Variants in PDHA1 observed in about 807,000 individuals in gnomAD.
The protein encoded by PDHA1 is pyruvate dehydrogenase E1 subunit alpha 1.
PDHA1 carries 1 observed loss-of-function variant against 33.0 expected under a neutral mutation model. The ratio of observed to expected loss-of-function variants is 0.03; its 90% confidence interval spans 0.01 to 0.14. The LOEUF is 0.14. PDHA1 is among the 10% of genes least tolerant of loss of function. The probability of loss-of-function intolerance (pLI) is 1.00; values close to 1 mark genes in which losing one functional copy is unlikely to be tolerated. For synonymous variants in PDHA1, 123 were observed against 119.2 expected, an observed-to-expected ratio of 1.03 and a Z score of -0.21; for missense variants, 168 against 325.1, an observed-to-expected ratio of 0.52 and a Z score of 3.72.
chrX:19,359,458 A>C, intron 10 of PDHA1, 31 bp from the exon 11 acceptor site: 3 of 1,180,752 alleles, frequency 2.5e-6, no homozygotes, highest in Non-Finnish European at 3.5e-6. Flanking sequence ...TGTTCATTCT[A>C]AAACCTTTTA....
chrX:19,352,667 G>A (rs1231500365), intron 4 of PDHA1, among the ~76,000 whole-genome samples: 4 of 112,265 alleles, frequency 3.6e-5, no homozygotes, highest in Non-Finnish European at 7.5e-5. Context: ...TTTGCATCCT[G>A]AGAATATTCT....
Position 19,361,289 on chromosome X carries a change from C to G in PDHA1, c.*1636C>G. On this transcript the variant is annotated 3_prime_UTR_variant, in exon 11 of 11. Coordinates refer to ENST00000422285, the MANE Select transcript of PDHA1 (RefSeq NM_000284.4). ...TTGTTTTCTGCTCTTGAAGCATATTCACACATAAAAAGTTGTATTCTCTTA... is the reference window on the plus strand; with the variant it reads ...TTGTTTTCTGCTCTTGAAGCATATTGACACATAAAAAGTTGTATTCTCTTA... 9.9e-7 allele frequency: 1 copy of G among 1,014,335 alleles called. No individual in the cohort carries two copies. The highest frequency in any genetic ancestry group is 1.4e-6 in the Non-Finnish European group (1 of 730,264). The allele number at this position is 1,014,335 out of a possible 1,213,427, so 83.6% of individuals were successfully genotyped here.
chrX:19,351,825 G>A (rs189819321), intron 4 of PDHA1, among the ~76,000 whole-genome samples: 1 of 76,654 alleles, frequency 1.3e-5, no homozygotes, highest in African/African-American at 6.2e-5. Flanking sequence ...TTGAGACTGT[G>A]TCTCACTCCG....
At chrX:19,347,153 C>G in intron 1 of PDHA1, among the ~76,000 whole-genome samples, 1 of 111,287 alleles carries the variant, frequency 9.0e-6, no homozygotes, top group Non-Finnish European at 1.9e-5. Flanking sequence ...CCTGGCCTCC[C>G]AAAGTGCTGG....
chrX:19,361,470 G>A lies in PDHA1; in HGVS notation c.*1817G>A. On this transcript the variant is annotated 3_prime_UTR_variant, in exon 11 of 11. Transcript: ENST00000422285. The stretch of plus-strand genomic sequence containing the variant: ...GAGCAGCTGTGTAACAACAGCATAA[G>A]AATTTCTTTGTTGTAAATTTACCTT... The A allele has an allele frequency of 8.4e-7, 1 of 1,196,834 alleles. No individual in the cohort carries two copies.
At chrX:19,346,233 T>G (rs1329396990) in intron 1 of PDHA1, among the ~76,000 whole-genome samples, 2 of 111,653 alleles carry the variant, frequency 1.8e-5, no homozygotes, top group Non-Finnish European at 3.8e-5. Context: ...GGGAGAAGGG[T>G]AGGCAGCTGG....
intron 1 of PDHA1, among the ~76,000 whole-genome samples, chrX:19,348,942 T>C (rs1409540567): frequency 8.9e-6 from 1 of 112,187 alleles, no homozygotes; most frequent in Non-Finnish European, 1.9e-5. Flanking sequence ...CAAAACTCCG[T>C]CTCAAAACAA....
chrX:19,357,565 A>T (rs1407365426), intron 8 of PDHA1, 87 bp from the exon 9 acceptor site: 1 of 707,455 alleles, frequency 1.4e-6, no homozygotes, highest in Middle Eastern at 3.0e-4. Context: ...CGCTTAATAA[A>T]GGGCCTGCGT....
chrX:19,353,109 A>G lies in PDHA1; in HGVS notation c.446A>G (p.Lys149Arg). The G allele has an allele frequency of 8.3e-7, 1 of 1,210,230 alleles. No homozygotes were observed. Among genetic ancestry groups the G allele is most frequent in the Non-Finnish European group, 1.1e-6 (1 of 894,090 alleles). ...CGAAAAGGAGGTTGTGCTAAAGGGAAAGGAGGATCGATGCACATGTATGCC... is the reference window on the plus strand; with the variant it reads ...CGAAAAGGAGGTTGTGCTAAAGGGAGAGGAGGATCGATGCACATGTATGCC... ...TGRKGGCAKGKGGSMHMYAKN... is the reference protein window; with the variant it reads ...TGRKGGCAKGRGGSMHMYAKN... The change falls in exon 5 of 11, where the codon AAA becomes AGA. Residue 149 changes from lysine to arginine, a missense_variant. Lys to Arg is a conservative substitution (Grantham distance 26). This residue lies in a region of PDHA1 where 35 missense variants were observed against 148.5 expected (regional missense o/e 0.24). Transcript: ENST00000422285.
chrX:19,358,476 G>C (rs17247716), intron 9 of PDHA1, among the ~76,000 whole-genome samples: 4 of 111,593 alleles, frequency 3.6e-5, no homozygotes, highest in Non-Finnish European at 7.5e-5. Flanking sequence ...CCTGCTTGGC[G>C]CTCTGATGTC....
rs745761659 is a variant in PDHA1, at chrX:19,343,994, C to A, written c.-44C>A. 1 of 1,181,424 alleles carries A rather than the reference C, an allele frequency of 8.5e-7. No homozygotes were observed. Among genetic ancestry groups the A allele is most frequent in the South Asian group, 1.8e-5 (1 of 55,892 alleles). ...ACTTGGGGGCACCCGCGTCGTGCCTCCTGGGTTGTGAGGAGTCGCCGCTGC... is the reference window on the plus strand; with the variant it reads ...ACTTGGGGGCACCCGCGTCGTGCCTACTGGGTTGTGAGGAGTCGCCGCTGC... On this transcript the variant is annotated 5_prime_UTR_variant, in exon 1 of 11. Coordinates refer to ENST00000422285, the MANE Select transcript of PDHA1 (RefSeq NM_000284.4).
chrX:19,352,213 C>G (rs1164054519), intron 4 of PDHA1, among the ~76,000 whole-genome samples: 2 of 101,422 alleles, frequency 2.0e-5, no homozygotes, highest in Non-Finnish European at 3.9e-5. Context: ...GTGCCCGGTC[C>G]TCCTCCTCCT....
At chrX:19,346,667 C>A in intron 1 of PDHA1, 1 of 886,561 alleles carries the variant, frequency 1.1e-6, no homozygotes, top group South Asian at 6.1e-5. Flanking sequence ...ATTGTCTCAT[C>A]AAAGAGTGTT....
In PDHA1 at chrX:19,355,529, GGGCCAA is replaced by G. The variant is rs11278403; in HGVS notation, c.759+40_759+45del. The G allele has an allele frequency of 0.075, 90,318 of 1,204,470 alleles. 10,752 individuals are homozygous for G. The highest frequency in any genetic ancestry group is 0.66 in the African/African-American group (37,304 of 56,172). On this transcript the variant is annotated intron_variant, in intron 7 of 10. Coordinates refer to ENST00000422285, the MANE Select transcript of PDHA1 (RefSeq NM_000284.4). ...AGTAAGGACACCTGTGGTGGGGCCG[GGGCCAA>G]GGCCAAGGCCAAGGGTATGTCCTTG...
Position 19,360,001 on chromosome X carries a change from C to T in PDHA1, c.*348C>T. ...GGGCCCCTCACAGCATTCTACCAACCATAGCACCCACCCCGAGCAGCGCTG... is the reference window on the plus strand; with the variant it reads ...GGGCCCCTCACAGCATTCTACCAACTATAGCACCCACCCCGAGCAGCGCTG... On this transcript the variant is annotated 3_prime_UTR_variant, in exon 11 of 11. Coordinates refer to ENST00000422285, the MANE Select transcript of PDHA1 (RefSeq NM_000284.4). 3.6e-6 allele frequency: 1 copy of T among 281,663 alleles called. No homozygotes were observed. The highest frequency in any genetic ancestry group is 3.8e-5 in the South Asian group (1 of 26,499). The allele number at this position is 281,663 out of a possible 1,213,427, so 23.2% of individuals were successfully genotyped here. A position where few individuals can be genotyped will look rare whatever the true frequency, so the allele number is the denominator to read the frequency against.
At position 19,345,572 on chromosome X, in the gene PDHA1, T is replaced by TAA. The variant is rs11318265; in HGVS notation, c.57+1507_57+1508dup. 4.3e-3 allele frequency among the ~76,000 whole-genome samples: 129 copies of TAA among 30,273 alleles called. 1 individual carries two copies. Among genetic ancestry groups the TAA allele is most frequent in the Non-Finnish European group, 6.0e-3 (92 of 15,268 alleles). 26.3% of individuals were successfully genotyped at this position (30,273 alleles called of 115,157 possible). On this transcript the variant is annotated intron_variant, in intron 1 of 10. Transcript: ENST00000422285. ...GCGACAAGAGCAAGACTCCGTATTT[T>TAA]AAAAAAAAAAAAAAAAAAAAAAAAA...
chrX:19,348,204 C>G (rs1343784567), intron 1 of PDHA1, among the ~76,000 whole-genome samples: 1 of 112,436 alleles, frequency 8.9e-6, no homozygotes, highest in Non-Finnish European at 1.9e-5. Flanking sequence ...TAACCTAAAC[C>G]TTAGCCATTA....
chrX:19,353,630 GT>G (rs992878790), intron 5 of PDHA1, among the ~76,000 whole-genome samples: 1 of 111,680 alleles, frequency 9.0e-6, no homozygotes, highest in African/African-American at 3.3e-5. Flanking sequence ...TGGGGGCTTG[GT>G]TTGCTTTTAA....
chrX:19,353,017 G>T, intron 4 of PDHA1, 65 bp from the exon 5 acceptor site: 1 of 867,372 alleles, frequency 1.2e-6, no homozygotes, highest in Non-Finnish European at 1.7e-6. Flanking sequence ...CATATTTGGG[G>T]TGCGGTTTGG....
Sources: allele counts gnomAD v4.1 joint callset (sites outside exome capture counted in the v4.1 genomes callset), GRCh38; gene constraint gnomAD v4.1.1; regional missense constraint gnomAD v4.1.1; transcripts MANE v1.5; gene names NCBI Gene and HGNC (gene_info 2026-07-23, HGNC 2026-07-21).